FAM20B: variants seen among roughly 807,000 people sequenced by gnomAD.
The protein encoded by FAM20B is glycosaminoglycan xylosylkinase.
A neutral mutation model predicts 43.8 loss-of-function variants in FAM20B; 23 were observed. The ratio of observed to expected loss-of-function variants is 0.53; its 90% CI spans 0.38 to 0.74. The LOEUF is 0.74. Ranked by LOEUF, FAM20B falls within the 30% of genes least tolerant of loss-of-function variation. The pLI is 0.00. For missense variants in FAM20B, 440 were observed against 510.5 expected (o/e 0.86, Z 1.33); for synonymous variants, 178 against 192.4 (o/e 0.93, Z 0.62).
intron 7 of FAM20B, among the ~76,000 whole-genome samples, chr1:179,071,235 G>C (rs1187904839): frequency 2.0e-5 from 3 of 151,980 alleles, no homozygotes; most frequent in African/African-American, 7.3e-5. Context: ...GGCAGAGCTT[G>C]CAGTGAGCCG....
chr1:179,042,031 G>T (rs892817735), intron 1 of FAM20B, among the ~76,000 whole-genome samples: 1 of 152,174 alleles, frequency 6.6e-6, no homozygotes, highest in Admixed American at 6.5e-5. Flanking sequence ...AAAATTTTCA[G>T]TGTATGTGGT....
chr1:179,032,184 G>C (rs980487469), intron 1 of FAM20B, among the ~76,000 whole-genome samples: 1 of 151,922 alleles, frequency 6.6e-6, no homozygotes, highest in Non-Finnish European at 1.5e-5. Context: ...TTCCAATGAG[G>C]GTTTTCTTTG....
At chr1:179,048,086 G>T (rs1443191102) in intron 2 of FAM20B, among the ~76,000 whole-genome samples, 1 of 151,982 alleles carries the variant, frequency 6.6e-6, no homozygotes, top group Non-Finnish European at 1.5e-5. Context: ...TATAAGTAAA[G>T]GTGATTTTTT....
intron 3 of FAM20B, among the ~76,000 whole-genome samples, chr1:179,051,296 C>T (rs910662078): frequency 6.6e-6 from 1 of 151,948 alleles, no homozygotes; most frequent in African/African-American, 2.4e-5. Flanking sequence ...TATTGGCTGA[C>T]TTTAAAAGAA....
At chr1:179,040,087 C>T (rs1300805978) in intron 1 of FAM20B, among the ~76,000 whole-genome samples, 2 of 152,252 alleles carry the variant, frequency 1.3e-5, no homozygotes, top group Non-Finnish European at 2.9e-5. Flanking sequence ...GGCAGAAGAA[C>T]TTTTCTTAGC....
intron 4 of FAM20B, among the ~76,000 whole-genome samples, chr1:179,058,177 A>C (rs993646533): frequency 2.6e-5 from 4 of 152,226 alleles, no homozygotes; most frequent in Non-Finnish European, 4.4e-5. Flanking sequence ...AACACATTAA[A>C]TAAGATCTAT....
chr1:179,047,469 C>T (rs1650820773), intron 2 of FAM20B, among the ~76,000 whole-genome samples: 1 of 152,180 alleles, frequency 6.6e-6, no homozygotes, highest in Non-Finnish European at 1.5e-5. Context: ...GCCTTATCTT[C>T]CTTTTGCTCT....
chr1:179,028,921 G>A (rs948449105), intron 1 of FAM20B, among the ~76,000 whole-genome samples: 2 of 152,208 alleles, frequency 1.3e-5, no homozygotes, highest in Non-Finnish European at 2.9e-5. Context: ...CGTAGAAAAT[G>A]TGTTTCGGAT....
At chr1:179,055,817 A>C (rs1239846188) in intron 4 of FAM20B, among the ~76,000 whole-genome samples, 1 of 152,238 alleles carries the variant, frequency 6.6e-6, no homozygotes, top group Non-Finnish European at 1.5e-5. Flanking sequence ...CCAAGGCAGC[A>C]AAGAGGAAAG....
In FAM20B at chr1:179,067,097, A is replaced by G. The variant is rs116757436; in HGVS notation, c.998+238A>G. 8.0e-3 allele frequency among the ~76,000 whole-genome samples: 1,215 copies of G among 152,162 alleles called. 9 individuals are homozygous for G. Among genetic ancestry groups the G allele is most frequent in the Non-Finnish European group, 0.013 (898 of 68,008 alleles). On this transcript the variant is annotated intron_variant, in intron 7 of 7. Transcript: ENST00000263733. Reference sequence around the variant, plus strand: ...TATGAATAGAAGATTGTATGTATACAGTAATACATGTTTGGTTTAATAGCA... The same window carrying G: ...TATGAATAGAAGATTGTATGTATACGGTAATACATGTTTGGTTTAATAGCA...
At chr1:179,057,229 C>T (rs1651257673) in intron 4 of FAM20B, among the ~76,000 whole-genome samples, 5 of 152,086 alleles carry the variant, frequency 3.3e-5, no homozygotes, top group Admixed American at 3.3e-4. Context: ...CCTGTAATCA[C>T]AGCTACTTGG....
chr1:179,071,849 G>C, intron 7 of FAM20B, 64 bp from the exon 8 acceptor site: 1 of 1,131,848 alleles, frequency 8.8e-7, no homozygotes, highest in Non-Finnish European at 1.3e-6. Context: ...CTGCCTAGCA[G>C]GCTTTCAACT....
intron 1 of FAM20B, among the ~76,000 whole-genome samples, chr1:179,027,282 C>T (rs1649828518): frequency 6.6e-6 from 1 of 152,150 alleles, no homozygotes; most frequent in Non-Finnish European, 1.5e-5. Flanking sequence ...GCGTTGATTT[C>T]TAAAAATCTG....
chr1:179,028,912 G>T (rs192160297), intron 1 of FAM20B, among the ~76,000 whole-genome samples: 1 of 152,160 alleles, frequency 6.6e-6, no homozygotes, highest in Non-Finnish European at 1.5e-5. Context: ...AAAAAAAAGC[G>T]TAGAAAATGT....
At chr1:179,031,781 G>C (rs1180042204) in intron 1 of FAM20B, among the ~76,000 whole-genome samples, 1 of 152,140 alleles carries the variant, frequency 6.6e-6, no homozygotes, top group African/African-American at 2.4e-5. Context: ...TATCTTAAGG[G>C]CTTTAGCACA....
chr1:179,063,928 A>T lies in FAM20B; in HGVS notation c.576A>T (p.Gly192=). 1 of 1,602,280 alleles carries T rather than the reference A, an allele frequency of 6.2e-7. No homozygotes were observed. The highest frequency in any genetic ancestry group is 8.5e-7 in the Non-Finnish European group (1 of 1,173,428). The change falls in exon 5 of 8, where the codon GGA becomes GGT. Residue 192 remains glycine (G), a splice_region_variant and synonymous_variant. Coordinates refer to ENST00000263733, the MANE Select transcript of FAM20B (RefSeq NM_014864.4). ...ATTTGGCTCCTTTCTGTCCTTTAGG[A>T]AACAATACTTGTTTTTATGGGAAGT... The part of the protein sequence containing the change: ...EQLLSTFLTV[G]NNTCFYGKCY...
At chr1:179,049,092 C>T (rs1399672097) in intron 2 of FAM20B, among the ~76,000 whole-genome samples, 1 of 152,142 alleles carries the variant, frequency 6.6e-6, no homozygotes, top group Admixed American at 6.5e-5. Context: ...GAATTAAGTA[C>T]TTTTTTCTTC....
intron 6 of FAM20B, among the ~76,000 whole-genome samples, chr1:179,064,746 A>C (rs971115655): frequency 6.6e-6 from 1 of 152,182 alleles, no homozygotes; most frequent in African/African-American, 2.4e-5. Context: ...ACAACTGGAA[A>C]ACCAGGGTTA....
the FAM20B span, among the ~76,000 whole-genome samples, chr1:179,017,878 A>T: frequency 2.0e-5 from 3 of 152,258 alleles, no homozygotes; most frequent in Non-Finnish European, 4.4e-5. Context: ...AAGGGAAACC[A>T]AAAATAGCTT....
Sources: allele counts gnomAD v4.1 joint callset (sites outside exome capture counted in the v4.1 genomes callset), GRCh38; gene constraint gnomAD v4.1.1; transcripts MANE v1.5; gene names NCBI Gene and HGNC (gene_info 2026-07-23, HGNC 2026-07-21).